Variants in DPP10 observed in about 807,000 individuals in gnomAD.
DPP10 encodes the protein dipeptidyl peptidase like 10.
In DPP10, 33 loss-of-function variants were observed where a neutral mutation model predicts 120.9. The ratio of observed to expected loss-of-function variants is 0.27; its 90% CI spans 0.21 to 0.37. DPP10 has a LOEUF of 0.37. DPP10 is among the 10% of genes least tolerant of loss of function. The probability of loss-of-function intolerance (pLI) is 1.00; values close to 1 mark genes in which losing one functional copy is unlikely to be tolerated. For missense variants in DPP10, 816 were observed against 942.8 expected, an observed-to-expected ratio of 0.87 and a Z score of 1.76; for synonymous variants, 337 against 326.1, an observed-to-expected ratio of 1.03 and a Z score of -0.36.
chr2:114,449,369 G>A (rs569056804), intron 1 of DPP10, among the ~76,000 whole-genome samples: 2 of 152,114 alleles, frequency 1.3e-5, no homozygotes, highest in South Asian at 2.1e-4. Flanking sequence ...TATTACATTA[G>A]CAGAACAAGA....
intron 3 of DPP10, among the ~76,000 whole-genome samples, chr2:115,360,471 T>C (rs951415713): frequency 3.9e-5 from 6 of 152,200 alleles, no homozygotes; most frequent in Non-Finnish European, 7.3e-5. Context: ...TAATTCAGAC[T>C]GCGTTCCATT....
rs568155726 is a variant in DPP10 at position 115,231,165 on chromosome 2, G to GA, written c.61-78066dup. Among the ~76,000 whole-genome samples the GA allele has an allele frequency of 4.4e-3, 660 of 151,262 alleles. 2 individuals are homozygous for GA. The highest frequency in any genetic ancestry group is 0.015 in the African/African-American group (635 of 41,266). On this transcript the variant is annotated intron_variant, in intron 1 of 25. Coordinates refer to ENST00000410059, the MANE Select transcript of DPP10 (RefSeq NM_020868.6). ...CTAAGATATTTCAAATTCTGTAGTA[G>GA]AAAAAAAATAGTCTGGTATTATAGA... is the stretch of plus-strand genomic sequence containing the variant.
At chr2:115,772,683 C>T (rs1290692889) in intron 13 of DPP10, among the ~76,000 whole-genome samples, 1 of 152,056 alleles carries the variant, frequency 6.6e-6, no homozygotes, top group East Asian at 1.9e-4. Flanking sequence ...CCCCTTTGCC[C>T]CTTGAAAAAT....
At position 114,908,939 on chromosome 2, in the gene DPP10, TG is replaced by T. The variant is rs1329624715; in HGVS notation, c.61-400299del. Among the ~76,000 whole-genome samples, 4 of 151,844 alleles carry T rather than the reference TG, an allele frequency of 2.6e-5. No homozygotes were observed. The East Asian group carries it at 7.7e-4, about 29-fold the overall frequency. On this transcript the variant is annotated intron_variant, in intron 1 of 25. Transcript: ENST00000410059. ...ATCTATATTTGTGAGTTTGGCTAGA[TG>T]ATTCTTGTCATATTTTAGTACTGAG... is the stretch of plus-strand genomic sequence containing the variant.
chr2:115,381,031 T>C (rs960520238), intron 3 of DPP10, among the ~76,000 whole-genome samples: 1 of 152,204 alleles, frequency 6.6e-6, no homozygotes, highest in Non-Finnish European at 1.5e-5. Flanking sequence ...ATTATGTGTC[T>C]TAGAGTTGCT....
chr2:114,750,355 A>G (rs1223828243), intron 1 of DPP10, among the ~76,000 whole-genome samples: 1 of 150,034 alleles, frequency 6.7e-6, no homozygotes, highest in Non-Finnish European at 1.5e-5. Context: ...TTTTTTTGAG[A>G]TGGAGTCTTG....
At chr2:115,641,274 C>T (rs928451385) in intron 5 of DPP10, among the ~76,000 whole-genome samples, 5 of 152,130 alleles carry the variant, frequency 3.3e-5, no homozygotes, top group African/African-American at 1.2e-4. Flanking sequence ...CATTTCCTTG[C>T]CATAAGAGGA....
intron 1 of DPP10, among the ~76,000 whole-genome samples, chr2:114,482,202 T>C (rs1681120708): frequency 6.6e-6 from 1 of 152,124 alleles, no homozygotes; most frequent in Non-Finnish European, 1.5e-5. Context: ...ATTCCATTAA[T>C]ATAACATTTA....
At chr2:114,853,190 G>T (rs1444466514) in intron 1 of DPP10, among the ~76,000 whole-genome samples, 1 of 152,192 alleles carries the variant, frequency 6.6e-6, no homozygotes, top group Non-Finnish European at 1.5e-5. Context: ...TAAGGGGCTT[G>T]AGTGCGCTTT....
At chr2:114,957,530 T>C (rs1405122901) in intron 1 of DPP10, among the ~76,000 whole-genome samples, 1 of 152,148 alleles carries the variant, frequency 6.6e-6, no homozygotes, top group African/African-American at 2.4e-5. Flanking sequence ...TTTAAAACTC[T>C]ATGGAAGTTC....
At chr2:114,731,691 G>A (rs974221440) in intron 1 of DPP10, among the ~76,000 whole-genome samples, 2 of 152,150 alleles carry the variant, frequency 1.3e-5, no homozygotes, top group Admixed American at 6.5e-5. Flanking sequence ...GGTCATAGGA[G>A]GTGGCACAAC....
chr2:115,115,868 C>T (rs1394465214), intron 1 of DPP10, among the ~76,000 whole-genome samples: 1 of 152,072 alleles, frequency 6.6e-6, no homozygotes. Flanking sequence ...AAATGGTGCA[C>T]AACCTACACA....
At chr2:115,052,244 G>C (rs1024626359) in intron 1 of DPP10, among the ~76,000 whole-genome samples, 23 of 152,110 alleles carry the variant, frequency 1.5e-4, no homozygotes, top group African/African-American at 5.3e-4. Context: ...AAATATACGT[G>C]CAAATTTCAT....
At chr2:115,142,915 G>T (rs1461921515) in intron 1 of DPP10, among the ~76,000 whole-genome samples, 3 of 152,084 alleles carry the variant, frequency 2.0e-5, no homozygotes, top group Non-Finnish European at 4.4e-5. Flanking sequence ...GGTGGTGGGG[G>T]TGTCCTAGAT....
intron 1 of DPP10, among the ~76,000 whole-genome samples, chr2:115,285,280 G>A (rs1313948106): frequency 6.6e-6 from 1 of 151,886 alleles, no homozygotes; most frequent in East Asian, 1.9e-4. Flanking sequence ...TTAAAATAGC[G>A]AATTAACACT....
intron 1 of DPP10, among the ~76,000 whole-genome samples, chr2:114,938,529 A>G (rs1696652354): frequency 6.6e-6 from 1 of 152,182 alleles, no homozygotes; most frequent in African/African-American, 2.4e-5. Flanking sequence ...ATATAGTAGC[A>G]GCTTAGCAAA....
intron 15 of DPP10, among the ~76,000 whole-genome samples, chr2:115,779,412 A>G (rs1214832447): frequency 6.6e-6 from 1 of 152,070 alleles, no homozygotes; most frequent in Non-Finnish European, 1.5e-5. Context: ...TATAAAAATG[A>G]TCACTGGTTG....
intron 1 of DPP10, among the ~76,000 whole-genome samples, chr2:115,223,636 C>T (rs1016262469): frequency 7.2e-5 from 11 of 151,808 alleles, no homozygotes; most frequent in Admixed American, 2.6e-4. Flanking sequence ...TAAACAACAA[C>T]AAAAAGGAAC....
At chr2:115,790,516 A>T (rs1375590365) in intron 17 of DPP10, among the ~76,000 whole-genome samples, 1 of 152,018 alleles carries the variant, frequency 6.6e-6, no homozygotes, top group African/African-American at 2.4e-5. Flanking sequence ...CATTTTTGCT[A>T]TTTCTCTATT....
Sources: gnomAD v4.1 joint callset for allele counts (sites outside exome capture counted in the v4.1 genomes callset) on GRCh38, gnomAD v4.1.1 for gene constraint, MANE v1.5 for transcripts, NCBI Gene and HGNC (gene_info 2026-07-23, HGNC 2026-07-21) for gene names.